Variants in SLC24A2 observed in about 807,000 individuals in gnomAD.
SLC24A2 encodes the protein sodium/potassium/calcium exchanger 2.
SLC24A2 carries 36 observed loss-of-function variants against 62.0 expected under a neutral mutation model. That is an observed-to-expected ratio of 0.58 (90% CI 0.44 to 0.77). The LOEUF is 0.77. Ranked by LOEUF, SLC24A2 falls within the 30% of genes least tolerant of loss-of-function variation. The pLI is 0.00. For synonymous variants in SLC24A2, 358 were observed against 294.0 expected (o/e 1.22, Z -2.23); for missense variants, 846 against 817.9 (o/e 1.03, Z -0.42).
the SLC24A2 span, among the ~76,000 whole-genome samples, chr9:20,118,486 T>C: frequency 2.0e-5 from 3 of 152,138 alleles, no homozygotes; most frequent in South Asian, 4.1e-4. Flanking sequence ...ACAAGTTTTG[T>C]TGGACATTGT....
intron 2 of SLC24A2, among the ~76,000 whole-genome samples, chr9:19,730,728 T>A (rs540251941): frequency 8.5e-5 from 13 of 152,278 alleles, no homozygotes; most frequent in Non-Finnish European, 1.8e-4. Flanking sequence ...AATATGAATA[T>A]ATTACTTTTG....
chr9:19,752,734 G>A (rs1380401315), intron 2 of SLC24A2, among the ~76,000 whole-genome samples: 3 of 152,114 alleles, frequency 2.0e-5, no homozygotes, highest in Non-Finnish European at 4.4e-5. Context: ...GAATCTATGT[G>A]TACTCAATTC....
intron 5 of SLC24A2, among the ~76,000 whole-genome samples, chr9:19,583,706 G>C (rs1255887230): frequency 2.6e-5 from 4 of 152,156 alleles, no homozygotes; most frequent in African/African-American, 9.7e-5. Flanking sequence ...CTTTCTAGAG[G>C]TAAGTAGGAG....
At chr9:19,982,247 T>C in the SLC24A2 span, among the ~76,000 whole-genome samples, 25 of 152,112 alleles carry the variant, frequency 1.6e-4, no homozygotes, top group Admixed American at 1.6e-3. Context: ...ATACTGGAAA[T>C]CAAAAGCAAT....
chr9:20,166,947 C>A, the SLC24A2 span, among the ~76,000 whole-genome samples: 1 of 152,102 alleles, frequency 6.6e-6, no homozygotes, highest in Admixed American at 6.6e-5. Context: ...CTCAACCTAA[C>A]CTTTCACCTC....
chr9:20,174,937 T>C, the SLC24A2 span, among the ~76,000 whole-genome samples: 717 of 151,582 alleles, frequency 4.7e-3, 5 homozygotes, highest in Middle Eastern at 0.017. Flanking sequence ...ATTGCAAAAA[T>C]GTGTAATCAA....
At chr9:20,232,203 G>C in the SLC24A2 span, among the ~76,000 whole-genome samples, 3 of 151,838 alleles carry the variant, frequency 2.0e-5, no homozygotes, top group Non-Finnish European at 4.4e-5. Flanking sequence ...TCTCTTTTTT[G>C]GTTGTGTCTC....
chr9:19,828,882 C>G, the SLC24A2 span, among the ~76,000 whole-genome samples: 1 of 152,066 alleles, frequency 6.6e-6, no homozygotes, highest in Non-Finnish European at 1.5e-5. Context: ...GAAGCCTTGG[C>G]TCCATCCCAA....
chr9:19,909,648 T>C, the SLC24A2 span, among the ~76,000 whole-genome samples: 1 of 152,180 alleles, frequency 6.6e-6, no homozygotes, highest in Non-Finnish European at 1.5e-5. Flanking sequence ...CATCTCTATG[T>C]TGACTTTCTT....
At chr9:20,071,868 G>T in the SLC24A2 span, among the ~76,000 whole-genome samples, 3 of 152,030 alleles carry the variant, frequency 2.0e-5, no homozygotes, top group Non-Finnish European at 2.9e-5. Flanking sequence ...GGTTTAATTT[G>T]CTGGAGCGGC....
chr9:19,990,620 A>AC, the SLC24A2 span, among the ~76,000 whole-genome samples: 3 of 107,196 alleles, frequency 2.8e-5, no homozygotes, highest in African/African-American at 1.1e-4. Flanking sequence ...AAAAAACAAA[A>AC]AAAAAAAAAC....
At chr9:19,807,498 A>G in the SLC24A2 span, among the ~76,000 whole-genome samples, 1 of 152,212 alleles carries the variant, frequency 6.6e-6, no homozygotes, top group African/African-American at 2.4e-5. Context: ...GAAATTAGGT[A>G]TATTTAGGAG....
At chr9:20,043,499 C>T in the SLC24A2 span, among the ~76,000 whole-genome samples, 2 of 152,152 alleles carry the variant, frequency 1.3e-5, no homozygotes, top group African/African-American at 4.8e-5. Flanking sequence ...ATTCTGGATG[C>T]CATTAAGGGC....
the SLC24A2 span, among the ~76,000 whole-genome samples, chr9:20,016,357 T>G: frequency 1.3e-5 from 2 of 152,234 alleles, no homozygotes; most frequent in African/African-American, 4.8e-5. Flanking sequence ...AGACATCTAC[T>G]CAGGATATAA....
chr9:19,652,157 CTACTA>C (rs1818819622), intron 2 of SLC24A2, among the ~76,000 whole-genome samples: 1 of 152,158 alleles, frequency 6.6e-6, no homozygotes, highest in African/African-American at 2.4e-5. Flanking sequence ...AAGTTACTGA[CTACTA>C]TACTCTCATG....
the SLC24A2 span, among the ~76,000 whole-genome samples, chr9:19,948,958 A>G: frequency 2.0e-5 from 3 of 152,160 alleles, no homozygotes; most frequent in East Asian, 5.8e-4. Context: ...TGGGGTATGC[A>G]AAAATTGGCT....
At chr9:20,090,321 T>G in the SLC24A2 span, among the ~76,000 whole-genome samples, 1 of 152,138 alleles carries the variant, frequency 6.6e-6, no homozygotes, top group Admixed American at 6.5e-5. Flanking sequence ...TCTTTGCTGC[T>G]TCCAAGTTGG....
At chr9:19,853,862 A>G in the SLC24A2 span, among the ~76,000 whole-genome samples, 2 of 152,204 alleles carry the variant, frequency 1.3e-5, no homozygotes, top group African/African-American at 2.4e-5. Flanking sequence ...ATTGTTTGGA[A>G]TAGTTTCAGA....
At chr9:19,777,146 G>T (rs540382027) in intron 2 of SLC24A2, among the ~76,000 whole-genome samples, 3 of 152,182 alleles carry the variant, frequency 2.0e-5, no homozygotes, top group Non-Finnish European at 4.4e-5. Flanking sequence ...GCATATATTT[G>T]TAAGAGATCT....
Sources: allele counts gnomAD v4.1 joint callset (sites outside exome capture counted in the v4.1 genomes callset), GRCh38; gene constraint gnomAD v4.1.1; transcripts MANE v1.5; gene names NCBI Gene and HGNC (gene_info 2026-07-23, HGNC 2026-07-21).